The following SYT10 variants were observed in gnomAD, a reference collection of about 807,000 sequenced individuals.
The protein encoded by SYT10 is synaptotagmin 10.
In SYT10, 31 loss-of-function variants were observed where a neutral mutation model predicts 51.1. The observed-to-expected ratio is 0.61, with a 90% CI of 0.46 to 0.82. The LOEUF is 0.82. SYT10 is among the 40% of genes least tolerant of loss of function. The probability of loss-of-function intolerance (pLI) is 0.00; values close to 1 mark genes in which losing one functional copy is unlikely to be tolerated. For missense variants in SYT10, 603 were observed against 634.0 expected, an observed-to-expected ratio of 0.95 and a Z score of 0.53; for synonymous variants, 233 against 225.9, an observed-to-expected ratio of 1.03 and a Z score of -0.28.
chr12:33,405,827 C>T (rs369977802), intron 3 of SYT10: 5 of 150,454 alleles, frequency 3.3e-5, no homozygotes, highest in African/African-American at 1.2e-4. Flanking sequence ...TCTAATTCCA[C>T]TTCTATAATT....
chr12:33,387,299 G>A (rs1866165125), intron 3 of SYT10, among the ~76,000 whole-genome samples: 1 of 152,098 alleles, frequency 6.6e-6, no homozygotes, highest in African/African-American at 2.4e-5. Flanking sequence ...CTAAAAGTGA[G>A]GTCCTGGGAA....
intron 3 of SYT10, among the ~76,000 whole-genome samples, chr12:33,394,484 T>C (rs1029621269): frequency 1.1e-4 from 17 of 152,202 alleles, no homozygotes; most frequent in African/African-American, 4.1e-4. Flanking sequence ...ATATTAGCAG[T>C]CGAGTGGATA....
Position 33,382,335 on chromosome 12 carries a change from A to G in SYT10, c.1370+14T>C. On this transcript the variant is annotated intron_variant, in intron 5 of 6. Coordinates refer to ENST00000228567, the MANE Select transcript of SYT10 (RefSeq NM_198992.4). ...GACATGGCTGCTCTTCAGTGAGAAGAGAGATACACATACCTATCGTAATCC... is the reference window on the plus strand; with the variant it reads ...GACATGGCTGCTCTTCAGTGAGAAGGGAGATACACATACCTATCGTAATCC... The G allele has an allele frequency of 6.5e-7, 1 of 1,545,154 alleles. No individual in the cohort carries two copies. Among genetic ancestry groups the G allele is most frequent in the Non-Finnish European group, 8.7e-7 (1 of 1,148,440 alleles).
chr12:33,417,403 T>C (rs1371842106), intron 2 of SYT10, among the ~76,000 whole-genome samples: 2 of 152,200 alleles, frequency 1.3e-5, no homozygotes, highest in African/African-American at 4.8e-5. Flanking sequence ...TGCACCACCT[T>C]GGGACTCTGC....
rs535323049 is a variant in SYT10, at chr12:33,381,733, T to C, written c.1370+616A>G. Among the ~76,000 whole-genome samples the C allele has an allele frequency of 2.0e-5, 3 of 152,174 alleles. No individual in the cohort carries two copies. The South Asian group carries it at 6.2e-4, about 32-fold the overall frequency. ...CTGCAGTGGGAAGGATCTTCAGAGC[T>C]GCATAGGGGAGGTTGCAATGTTTTC... On this transcript the variant is annotated intron_variant, in intron 5 of 6. Coordinates refer to ENST00000228567, the MANE Select transcript of SYT10 (RefSeq NM_198992.4).
intron 1 of SYT10, among the ~76,000 whole-genome samples, chr12:33,431,226 T>C (rs767932455): frequency 4.6e-5 from 7 of 152,162 alleles, no homozygotes; most frequent in Non-Finnish European, 5.9e-5. Flanking sequence ...GTGCACATCA[T>C]TGCTAACTTC....
chr12:33,391,727 C>A (rs933246880), intron 3 of SYT10, among the ~76,000 whole-genome samples: 37 of 152,190 alleles, frequency 2.4e-4, no homozygotes, highest in African/African-American at 8.9e-4. Flanking sequence ...GCCTGACACA[C>A]AGTAGGTGCC....
intron 3 of SYT10, among the ~76,000 whole-genome samples, chr12:33,390,080 TA>T (rs1866190300): frequency 6.6e-6 from 1 of 152,222 alleles, no homozygotes; most frequent in Non-Finnish European, 1.5e-5. Context: ...AAATGAGAAC[TA>T]AATAACATAT....
At chr12:33,393,552 A>G (rs1205945886) in intron 3 of SYT10, among the ~76,000 whole-genome samples, 1 of 152,214 alleles carries the variant, frequency 6.6e-6, no homozygotes, top group African/African-American at 2.4e-5. Context: ...AAATTGATTG[A>G]CATTGTTCCA....
intron 3 of SYT10, among the ~76,000 whole-genome samples, chr12:33,388,557 C>A (rs1189963290): frequency 6.6e-6 from 1 of 152,056 alleles, no homozygotes. Flanking sequence ...ATGCAGTATT[C>A]CATAAAATTT....
At chr12:33,422,495 A>AT (rs1207988821) in intron 2 of SYT10, among the ~76,000 whole-genome samples, 8 of 151,164 alleles carry the variant, frequency 5.3e-5, no homozygotes, top group East Asian at 1.9e-4. Flanking sequence ...TGCTACAAAT[A>AT]TTTTTTTTTG....
chr12:33,409,871 G>A (rs1866391260), intron 2 of SYT10, among the ~76,000 whole-genome samples: 1 of 152,068 alleles, frequency 6.6e-6, no homozygotes, highest in South Asian at 2.1e-4. Flanking sequence ...GAAGAATAGG[G>A]TAAAGATGGA....
Position 33,374,660 on chromosome 12 carries a change from C to A in SYT10, c.*2170G>T, listed in dbSNP as rs1156623551. ...TCTCTTTCTCAGGATTAACACATATCCTTGCATGATGAGTTTATTCTAACT... is the reference window on the plus strand; with the variant it reads ...TCTCTTTCTCAGGATTAACACATATACTTGCATGATGAGTTTATTCTAACT... On this transcript the variant is annotated 3_prime_UTR_variant, in exon 7 of 7. Coordinates refer to ENST00000228567, the MANE Select transcript of SYT10 (RefSeq NM_198992.4). 6.6e-6 allele frequency: 1 copy of A among 151,884 alleles called. No homozygotes were observed. The highest frequency in any genetic ancestry group is 1.5e-5 in the Non-Finnish European group (1 of 67,898). 9.4% of individuals were successfully genotyped at this position (151,884 alleles called of 1,614,324 possible).
chr12:33,406,515 T>C (rs536056246), intron 3 of SYT10, among the ~76,000 whole-genome samples: 42 of 152,296 alleles, frequency 2.8e-4, no homozygotes, highest in Admixed American at 1.6e-3. Context: ...AGGATATTTA[T>C]ATTACAGATG....
Position 33,439,563 on chromosome 12 carries a change from G to T in SYT10, c.-41C>A. 6.2e-7 allele frequency: 1 copy of T among 1,602,756 alleles called. No homozygotes were observed. Among genetic ancestry groups the T allele is most frequent in the African/African-American group, 1.3e-5 (1 of 74,808 alleles). ...TCGTTTTCTCTTTTTTTCCCAGTTA[G>T]CCGTCTTTTCCTCTTCCCGTACCTC... On this transcript the variant is annotated 5_prime_UTR_variant, in exon 1 of 7. Transcript: ENST00000228567.
chr12:33,396,496 T>A (rs190233446), intron 3 of SYT10, among the ~76,000 whole-genome samples: 223 of 152,320 alleles, frequency 1.5e-3, no homozygotes, highest in African/African-American at 5.0e-3. Flanking sequence ...TGTGGCATTT[T>A]ATAAGTATTT....
At chr12:33,393,435 T>A (rs1866227493) in intron 3 of SYT10, among the ~76,000 whole-genome samples, 1 of 152,230 alleles carries the variant, frequency 6.6e-6, no homozygotes, top group East Asian at 1.9e-4. Flanking sequence ...GACTGTTTGA[T>A]GCTTTTAAAT....
rs764432913 is a variant in SYT10 at position 33,426,219 on chromosome 12, T to A, written c.428A>T (p.Glu143Val). The change falls in exon 2 of 7, where the codon GAA (glutamate) becomes GTA (valine). Residue 143 changes from glutamate to valine, a missense_variant. Coordinates refer to ENST00000228567, the MANE Select transcript of SYT10 (RefSeq NM_198992.4). ...ATGTTCTTTTAAAGCAGTTTGGACT[T>A]CTGCTGGGATGTCAGGGGAAGTGTG... ...ISHTSPDIPA[E>V]VQTALKEHLI... The A allele has an allele frequency of 6.2e-7, 1 of 1,614,156 alleles. No individual in the cohort carries two copies. Among genetic ancestry groups the A allele is most frequent in the Admixed American group, 1.7e-5 (1 of 60,008 alleles).
At position 33,374,677 on chromosome 12, in the gene SYT10, A is replaced by G. The variant is rs1025718588; in HGVS notation, c.*2153T>C. 12 of 151,956 alleles carry G rather than the reference A, an allele frequency of 7.9e-5. No homozygotes were observed. Among genetic ancestry groups the G allele is most frequent in the Admixed American group, 7.2e-4 (11 of 15,250 alleles). The allele number at this position is 151,956 out of a possible 1,614,324, so 9.4% of individuals were successfully genotyped here. A position where few individuals can be genotyped will look rare whatever the true frequency, so the allele number is the denominator to read the frequency against. ...ACACATATCCTTGCATGATGAGTTTATTCTAACTTCAAGGAAACATTTAAA... is the reference window on the plus strand; with the variant it reads ...ACACATATCCTTGCATGATGAGTTTGTTCTAACTTCAAGGAAACATTTAAA... On this transcript the variant is annotated 3_prime_UTR_variant, in exon 7 of 7. Transcript: ENST00000228567.
Sources: gnomAD v4.1 joint callset for allele counts (sites outside exome capture counted in the v4.1 genomes callset) on GRCh38, gnomAD v4.1.1 for gene constraint, MANE v1.5 for transcripts, NCBI Gene and HGNC (gene_info 2026-07-23, HGNC 2026-07-21) for gene names.